The following STK35 variants were observed in gnomAD, a reference collection of about 807,000 sequenced individuals.
The protein encoded by STK35 is serine/threonine-protein kinase 35.
STK35 carries 17 observed loss-of-function variants against 37.3 expected under a neutral mutation model. The observed-to-expected ratio is 0.46, with a 90% CI of 0.31 to 0.68. STK35 has a LOEUF of 0.68. STK35 is among the 30% of genes least tolerant of loss of function. The pLI is 0.05. For synonymous variants in STK35, 385 were observed against 319.1 expected (o/e 1.21, Z -2.20); for missense variants, 595 against 746.7 (o/e 0.80, Z 2.37).
Position 2,144,483 on chromosome 20 carries a change from G to C in STK35, c.*737G>C, listed in dbSNP as rs1986225924. 1 of 154,018 alleles carries C rather than the reference G, an allele frequency of 6.5e-6. No individual in the cohort carries two copies. The highest frequency in any genetic ancestry group is 2.4e-5 in the African/African-American group (1 of 41,464). The allele number at this position is 154,018 out of a possible 1,614,324, so 9.5% of individuals were successfully genotyped here. Reference sequence around the variant, plus strand: ...AGAGCCCCAGGCCACACCAGGACTTGCAGTGGTGGGAATCCATTCCTCTTC... The same window carrying C: ...AGAGCCCCAGGCCACACCAGGACTTCCAGTGGTGGGAATCCATTCCTCTTC... On this transcript the variant is annotated 3_prime_UTR_variant, in exon 4 of 4. Transcript: ENST00000381482.
In STK35 at chr20:2,143,835, G is replaced by C; in HGVS notation, c.*89G>C. 1 of 419,704 alleles carries C rather than the reference G, an allele frequency of 2.4e-6. No homozygotes were observed. The highest frequency in any genetic ancestry group is 4.6e-6 in the Non-Finnish European group (1 of 217,094). The allele number at this position is 419,704 out of a possible 1,614,324, so 26.0% of individuals were successfully genotyped here. ...ACCACGTCTCCTCCAGAGGACGGCA[G>C]AGGGTACAGGTGGTGGCCTGGCCGG... On this transcript the variant is annotated 3_prime_UTR_variant, in exon 4 of 4. Coordinates refer to ENST00000381482, the MANE Select transcript of STK35 (RefSeq NM_080836.4).
At chr20:2,113,062 C>A (rs972921095) in intron 2 of STK35, among the ~76,000 whole-genome samples, 2 of 152,148 alleles carry the variant, frequency 1.3e-5, no homozygotes, top group Non-Finnish European at 2.9e-5. Flanking sequence ...CTCCATCAGT[C>A]CTGTTCTGAC....
At chr20:2,102,564 T>C (rs1985415477) in intron 1 of STK35, among the ~76,000 whole-genome samples, 2 of 152,234 alleles carry the variant, frequency 1.3e-5, no homozygotes, top group East Asian at 1.9e-4. Flanking sequence ...TTTGTGCTTT[T>C]CTTTCCGGTT....
intron 3 of STK35, among the ~76,000 whole-genome samples, chr20:2,130,581 T>G (rs1985982872): frequency 1.3e-5 from 2 of 152,220 alleles, no homozygotes; most frequent in Admixed American, 1.3e-4. Context: ...CATCTCGCTC[T>G]CTCTTTATTT....
chr20:2,142,455 A>C (rs373926492), intron 3 of STK35, among the ~76,000 whole-genome samples: 1 of 152,214 alleles, frequency 6.6e-6, no homozygotes, highest in African/African-American at 2.4e-5. Flanking sequence ...TGACAAAGAA[A>C]GGCACGCACA....
At chr20:2,110,791 ACT>A (rs1985601951) in intron 2 of STK35, among the ~76,000 whole-genome samples, 1 of 151,890 alleles carries the variant, frequency 6.6e-6, no homozygotes, top group Non-Finnish European at 1.5e-5. Flanking sequence ...TGAACATTAA[ACT>A]CTGGGGGGCA....
At chr20:2,107,951 A>T (rs746843501) in intron 2 of STK35, among the ~76,000 whole-genome samples, 4 of 152,180 alleles carry the variant, frequency 2.6e-5, no homozygotes, top group Non-Finnish European at 5.9e-5. Flanking sequence ...AAGAGCTGAA[A>T]CTTGCAGGTT....
At chr20:2,102,217 G>A (rs1267713976) in intron 1 of STK35, 42 bp downstream of exon 1, 1 of 1,368,344 alleles carries the variant, frequency 7.3e-7, no homozygotes, top group Non-Finnish European at 9.4e-7. Flanking sequence ...CGCCGAGGCT[G>A]GAGTTACTGC....
At chr20:2,103,671 T>A (rs1024108225) in intron 2 of STK35, among the ~76,000 whole-genome samples, 1 of 152,152 alleles carries the variant, frequency 6.6e-6, no homozygotes, top group Non-Finnish European at 1.5e-5. Flanking sequence ...ATTTTTAAGA[T>A]CGGTTGGGGG....
rs1329168288 is a variant in STK35 at position 2,148,447 on chromosome 20, CTG to C, written c.*4704_*4705del. The C allele has an allele frequency of 5.9e-5, 9 of 152,716 alleles. No individual in the cohort carries two copies. In the East Asian group the frequency reaches 1.3e-3, roughly 23 times the overall value. 9.5% of individuals were successfully genotyped at this position (152,716 alleles called of 1,614,324 possible). A position where few individuals can be genotyped will look rare whatever the true frequency, so the allele number is the denominator to read the frequency against. ...ACATTATATTTAAGTTCCTTGAACA[CTG>C]TGGATCCCCTAATGTGTATGAATGA... On this transcript the variant is annotated 3_prime_UTR_variant, in exon 4 of 4. Coordinates refer to ENST00000381482, the MANE Select transcript of STK35 (RefSeq NM_080836.4).
rs1568572587 is a variant in STK35 at position 2,103,383 on chromosome 20, CTT to C, written c.892+20_892+21del. 2 of 1,601,802 alleles carry C rather than the reference CTT, an allele frequency of 1.2e-6. No individual in the cohort carries two copies. Among genetic ancestry groups the C allele is most frequent in the Non-Finnish European group, 1.7e-6 (2 of 1,172,880 alleles). On this transcript the variant is annotated intron_variant, in intron 2 of 3. Coordinates refer to ENST00000381482, the MANE Select transcript of STK35 (RefSeq NM_080836.4). ...GCTGAAAGGTAGGAGCACCGCGGGC[CTT>C]TCCACCCACGCAGGGCCTGGACCCC... is the stretch of plus-strand genomic sequence containing the variant.
rs144157625 is a variant in STK35 at position 2,125,878 on chromosome 20, C to T, written c.*37+8463C>T. Among the ~76,000 whole-genome samples the T allele has an allele frequency of 8.7e-3, 1,323 of 152,268 alleles. 21 individuals are homozygous for T. Among genetic ancestry groups the T allele is most frequent in the African/African-American group, 0.03 (1,231 of 41,544 alleles). ...AGATCTAAAGCACACCTCCACCCAC[C>T]GGCAGCTGGGAAAGCACCCAGCACT... On this transcript the variant is annotated intron_variant, in intron 3 of 3. Transcript: ENST00000381482.
At chr20:2,140,822 G>A (rs538271223) in intron 3 of STK35, among the ~76,000 whole-genome samples, 172 of 152,320 alleles carry the variant, frequency 1.1e-3, no homozygotes, top group African/African-American at 4.0e-3. Context: ...CTTGCAGAGT[G>A]CTGTGCTGTT....
chr20:2,120,051 AG>A (rs1465562469), intron 3 of STK35, among the ~76,000 whole-genome samples: 1 of 152,224 alleles, frequency 6.6e-6, no homozygotes, highest in Non-Finnish European at 1.5e-5. Context: ...AGAAACCAAA[AG>A]GGTTGGCTAG....
At chr20:2,130,033 G>A (rs532369809) in intron 3 of STK35, among the ~76,000 whole-genome samples, 23 of 152,298 alleles carry the variant, frequency 1.5e-4, no homozygotes, top group Admixed American at 5.2e-4. Context: ...GCCTGAAATC[G>A]GAAGGTAGGA....
At chr20:2,108,711 G>A (rs927786480) in intron 2 of STK35, among the ~76,000 whole-genome samples, 3 of 152,048 alleles carry the variant, frequency 2.0e-5, no homozygotes, top group Non-Finnish European at 2.9e-5. Context: ...TGTGCATTGG[G>A]GATTTTAGGT....
chr20:2,128,821 C>T (rs1985950046), intron 3 of STK35, among the ~76,000 whole-genome samples: 1 of 152,074 alleles, frequency 6.6e-6, no homozygotes, highest in Non-Finnish European at 1.5e-5. Flanking sequence ...ACAGGTGGAA[C>T]TTAGGTCTCT....
chr20:2,139,679 G>T (rs1373297366), intron 3 of STK35, among the ~76,000 whole-genome samples: 1 of 152,204 alleles, frequency 6.6e-6, no homozygotes, highest in Admixed American at 6.5e-5. Flanking sequence ...TGAGGCAATG[G>T]ATGTAAAACA....
chr20:2,102,640 C>A, intron 1 of STK35, 128 bp from the exon 2 acceptor site: 2 of 842,402 alleles, frequency 2.4e-6, no homozygotes, highest in East Asian at 3.3e-5. Context: ...CCCGTTCAAT[C>A]AGCGGCGGTG....
Sources: gnomAD v4.1 joint callset for allele counts (sites outside exome capture counted in the v4.1 genomes callset) on GRCh38, gnomAD v4.1.1 for gene constraint, MANE v1.5 for transcripts, NCBI Gene and HGNC (gene_info 2026-07-23, HGNC 2026-07-21) for gene names.